The following FZD3 variants were observed in gnomAD, a reference collection of about 807,000 sequenced individuals.
The protein encoded by FZD3 is frizzled class receptor 3.
FZD3 carries 30 observed loss-of-function variants against 60.7 expected under a neutral mutation model. That is an observed-to-expected ratio of 0.49 (90% CI 0.37 to 0.67). The LOEUF (loss-of-function observed/expected upper bound fraction) is 0.67, where lower values mean the gene tolerates loss of function less well. Among genes scored for constraint, FZD3 ranks in the 30% least tolerant of loss-of-function variants. The pLI, the probability that FZD3 is intolerant of heterozygous loss-of-function variation, is 0.00. For synonymous variants in FZD3, 246 were observed against 275.2 expected (o/e 0.89, Z 1.05); for missense variants, 605 against 838.7 (o/e 0.72, Z 3.44).
At position 28,564,726 on chromosome 8, in the gene FZD3, A is replaced by G. The variant is rs1036951464; in HGVS notation, c.*1715A>G. The G allele has an allele frequency of 1.3e-5, 2 of 152,186 alleles. No homozygotes were observed. The highest frequency in any genetic ancestry group is 2.9e-5 in the Non-Finnish European group (2 of 68,034). The allele number at this position is 152,186 out of a possible 1,614,324, so 9.4% of individuals were successfully genotyped here. ...AAAATACCGCAGGTGATTCTTACGG[A>G]GGTAATCCAAGAATCATACTTTGAA... On this transcript the variant is annotated 3_prime_UTR_variant, in exon 8 of 8. Coordinates refer to ENST00000240093, the MANE Select transcript of FZD3 (RefSeq NM_017412.4).
chr8:28,508,678 TTTTGTTTG>T (rs147155384), intron 3 of FZD3, among the ~76,000 whole-genome samples: 79 of 151,560 alleles, frequency 5.2e-4, no homozygotes, highest in East Asian at 1.4e-3. Context: ...TTTTTGTGTT[TTTTGTTTG>T]TTTGTTTGTT....
intron 5 of FZD3, among the ~76,000 whole-genome samples, chr8:28,530,129 G>GTGTGTGTC (rs1804828256): frequency 1.7e-5 from 2 of 118,530 alleles, no homozygotes; most frequent in South Asian, 5.5e-4. Flanking sequence ...GTGTGTGTGT[G>GTGTGTGTC]TGTGTGTGTG....
At position 28,555,960 on chromosome 8, in the gene FZD3, A is replaced by G. The variant is rs373348701; in HGVS notation, c.1776A>G (p.Ser592=). The G allele has an allele frequency of 3.7e-6, 6 of 1,602,316 alleles. No individual in the cohort carries two copies. The highest frequency in any genetic ancestry group is 5.1e-6 in the Non-Finnish European group (6 of 1,169,534). The change falls in exon 7 of 8, where the codon TCA becomes TCG. Residue 592 remains serine, a synonymous_variant. Transcript: ENST00000240093. ...GCTACCACGGCAGCCTCCACAGATCACGTGATGGCAGGTGAGTTTTGTTAG... is the reference window on the plus strand; with the variant it reads ...GCTACCACGGCAGCCTCCACAGATCGCGTGATGGCAGGTGAGTTTTGTTAG... ...VSSYHGSLHR[S]RDGRYTPCSY...
chr8:28,551,572 A>C (rs1387905684), intron 5 of FZD3, 31 bp from the exon 6 acceptor site: 1 of 1,506,030 alleles, frequency 6.6e-7, no homozygotes, highest in African/African-American at 1.4e-5. Flanking sequence ...ATTTTTATAT[A>C]TTTAAGATGC....
rs774251366 is a variant in FZD3, at chr8:28,562,940, A to G, written c.1930A>G (p.Asn644Asp). ...RHSSIRDLSN[N>D]PMTHITHGTS... ...TAGCAGCATCAGAGATCTCAGTAAT[A>G]ATCCCATGACTCATATCACACATGG... The change falls in exon 8 of 8, where the codon AAT becomes GAT. Residue 644 changes from asparagine to aspartate, a missense_variant. By Grantham distance (23) the Asn-to-Asp change is conservative. Transcript: ENST00000240093. The G allele has an allele frequency of 6.2e-7, 1 of 1,613,616 alleles. No individual in the cohort carries two copies. The highest frequency in any genetic ancestry group is 1.1e-5 in the South Asian group (1 of 91,076).
intron 3 of FZD3, among the ~76,000 whole-genome samples, chr8:28,518,807 C>T (rs775936436): frequency 6.6e-6 from 1 of 152,186 alleles, no homozygotes; most frequent in Admixed American, 6.5e-5. Context: ...TCTTGTCTTA[C>T]GCCCAGTTCA....
chr8:28,527,632 T>C lies in FZD3; in HGVS notation c.872T>C (p.Met291Thr), dbSNP rs1563392799. 1 of 1,614,092 alleles carries C rather than the reference T, an allele frequency of 6.2e-7. No individual in the cohort carries two copies. Among genetic ancestry groups the C allele is most frequent in the East Asian group, 2.2e-5 (1 of 44,886 alleles). ...AATAAAGCCTGTACCATGCTTTTTATGATACTCTATTTTTTTACTATGGCT... is the reference window on the plus strand; with the variant it reads ...AATAAAGCCTGTACCATGCTTTTTACGATACTCTATTTTTTTACTATGGCT... ...SHNKACTMLFMILYFFTMAGS... is the reference protein window; with the variant it reads ...SHNKACTMLFTILYFFTMAGS... Residue 291 changes from methionine (M) to threonine (T), a missense_variant, in exon 5 of 8, where the codon ATG becomes ACG. Physicochemically the swap from Met to Thr is moderately conservative, Grantham distance 81. Coordinates refer to ENST00000240093, the MANE Select transcript of FZD3 (RefSeq NM_017412.4). This position sits in a 1 kb window ranked among gnomAD's most constrained non-coding sequence, Gnocchi z 5.0.
chr8:28,551,875 G>A, intron 6 of FZD3, 124 bp downstream of exon 6: 3 of 795,570 alleles, frequency 3.8e-6, no homozygotes, highest in Non-Finnish European at 5.9e-6. Context: ...ATTTTCAGCA[G>A]TATCCAGTTA....
Position 28,567,966 on chromosome 8 carries a change from T to G in FZD3, c.*4955T>G, listed in dbSNP as rs1318400367. ...TTTGTCTTTGACTTTTTGGCTTTTA[T>G]GTACCTCATTTTTTCTGATTGAGAA... is the stretch of plus-strand genomic sequence containing the variant. On this transcript the variant is annotated 3_prime_UTR_variant, in exon 8 of 8. Coordinates refer to ENST00000240093, the MANE Select transcript of FZD3 (RefSeq NM_017412.4). The G allele has an allele frequency of 6.6e-6, 1 of 152,190 alleles. No homozygotes were observed. Among genetic ancestry groups the G allele is most frequent in the African/African-American group, 2.4e-5 (1 of 41,466 alleles). The allele number at this position is 152,190 out of a possible 1,614,324, so 9.4% of individuals were successfully genotyped here. A position where few individuals can be genotyped will look rare whatever the true frequency, so the allele number is the denominator to read the frequency against.
intron 6 of FZD3, among the ~76,000 whole-genome samples, chr8:28,554,315 T>TA (rs1386144905): frequency 2.6e-5 from 4 of 152,142 alleles, no homozygotes; most frequent in Non-Finnish European, 5.9e-5. Flanking sequence ...GAAAATAAAG[T>TA]CAACAACCAA....
At chr8:28,504,874 C>T (rs2130284039) in intron 3 of FZD3, among the ~76,000 whole-genome samples, 1 of 152,310 alleles carries the variant, frequency 6.6e-6, no homozygotes, top group Non-Finnish European at 1.5e-5. Flanking sequence ...TCTCTGACTT[C>T]TCAAATATGC....
At position 28,572,006 on chromosome 8, in the gene FZD3, G is replaced by T. The variant is rs1805814672; in HGVS notation, c.*8995G>T. 1 of 151,970 alleles carries T rather than the reference G, an allele frequency of 6.6e-6. No homozygotes were observed. Among genetic ancestry groups the T allele is most frequent in the South Asian group, 2.1e-4 (1 of 4,810 alleles). The allele number at this position is 151,970 out of a possible 1,614,324, so 9.4% of individuals were successfully genotyped here. On this transcript the variant is annotated 3_prime_UTR_variant, in exon 8 of 8. Transcript: ENST00000240093. ...TGAGTTATTTCACTCTCTGTAATTT[G>T]TGATACCCAAGATTCATATTTATTT...
intron 3 of FZD3, among the ~76,000 whole-genome samples, chr8:28,511,543 A>C (rs1804291288): frequency 6.6e-6 from 1 of 152,226 alleles, no homozygotes; most frequent in African/African-American, 2.4e-5. Flanking sequence ...GATCAAATCC[A>C]AAGCATAATA....
chr8:28,568,519 C>G lies in FZD3; in HGVS notation c.*5508C>G, dbSNP rs1805745576. The stretch of plus-strand genomic sequence containing the variant: ...CAAATTGATATAGGATTACAATTTT[C>G]TCTCAGGATCCAAGTCTTCTAAGAA... On this transcript the variant is annotated 3_prime_UTR_variant, in exon 8 of 8. Transcript: ENST00000240093. The G allele has an allele frequency of 6.6e-6, 1 of 152,052 alleles. No homozygotes were observed. The highest frequency in any genetic ancestry group is 2.1e-4 in the South Asian group (1 of 4,826). 9.4% of individuals were successfully genotyped at this position (152,052 alleles called of 1,614,324 possible).
At chr8:28,504,147 G>A (rs1180547793) in intron 3 of FZD3, among the ~76,000 whole-genome samples, 1 of 152,132 alleles carries the variant, frequency 6.6e-6, no homozygotes, top group Non-Finnish European at 1.5e-5. Flanking sequence ...CATTTTAAGG[G>A]AGACTAACCT....
At chr8:28,506,980 C>T (rs925355504) in intron 3 of FZD3, among the ~76,000 whole-genome samples, 1 of 152,164 alleles carries the variant, frequency 6.6e-6, no homozygotes, top group African/African-American at 2.4e-5. Context: ...ACTGCATGCC[C>T]TTCTGGGTCA....
intron 4 of FZD3, among the ~76,000 whole-genome samples, chr8:28,525,048 G>A (rs1485556317): frequency 6.6e-6 from 1 of 151,980 alleles, no homozygotes; most frequent in East Asian, 1.9e-4. Context: ...TGGCACATCT[G>A]GTATCCCTGC....
At position 28,528,023 on chromosome 8, in the gene FZD3, C is replaced by G. The variant is rs144171566; in HGVS notation, c.1263C>G (p.Ile421Met). The change falls in exon 5 of 8, where the codon ATC becomes ATG. Residue 421 changes from isoleucine to methionine, a missense_variant. Coordinates refer to ENST00000240093, the MANE Select transcript of FZD3 (RefSeq NM_017412.4). ...QDKLVKFMIR[I>M]GVFSILYLVP... The stretch of plus-strand genomic sequence containing the variant: ...AATTAGTGAAGTTTATGATCCGGAT[C>G]GGTGTTTTCAGCATTCTTTATCTCG... 1 of 1,613,858 alleles carries G rather than the reference C, an allele frequency of 6.2e-7. No individual in the cohort carries two copies. The highest frequency in any genetic ancestry group is 8.5e-7 in the Non-Finnish European group (1 of 1,179,882).
At chr8:28,548,949 T>C (rs1389127677) in intron 5 of FZD3, among the ~76,000 whole-genome samples, 1 of 152,244 alleles carries the variant, frequency 6.6e-6, no homozygotes, top group African/African-American at 2.4e-5. Context: ...TCTTTTGTTA[T>C]AGTTTGTATT....
Sources: gnomAD v4.1 joint callset for allele counts (sites outside exome capture counted in the v4.1 genomes callset) on GRCh38, gnomAD v4.1.1 for gene constraint, Gnocchi (gnomAD v3.1) non-coding constraint, MANE v1.5 for transcripts, NCBI Gene and HGNC (gene_info 2026-07-23, HGNC 2026-07-21) for gene names.